MECOM: variants seen among roughly 807,000 people sequenced by gnomAD.
MECOM encodes histone-lysine N-methyltransferase MECOM.
In MECOM, 13 loss-of-function variants were observed where a neutral mutation model predicts 116.3. That is an observed-to-expected ratio of 0.11 (90% CI 0.07 to 0.18). The LOEUF (loss-of-function observed/expected upper bound fraction) is 0.18, where lower values mean the gene tolerates loss of function less well. MECOM is among the 10% of genes least tolerant of loss of function. The probability of loss-of-function intolerance (pLI) is 1.00; values close to 1 mark genes in which losing one functional copy is unlikely to be tolerated. For synonymous variants in MECOM, 528 were observed against 535.2 expected, an observed-to-expected ratio of 0.99 and a Z score of 0.19; for missense variants, 1,299 against 1,509.0, an observed-to-expected ratio of 0.86 and a Z score of 2.31.
intron 1 of MECOM, among the ~76,000 whole-genome samples, chr3:169,554,430 A>G (rs1761794831): frequency 4.6e-5 from 7 of 152,194 alleles, no homozygotes; most frequent in Admixed American, 3.9e-4. Context: ...AGAGTTTTCA[A>G]TTTTTAAAAA....
At chr3:169,426,705 T>C (rs1460470194) in intron 1 of MECOM, among the ~76,000 whole-genome samples, 1 of 152,212 alleles carries the variant, frequency 6.6e-6, no homozygotes, top group Non-Finnish European at 1.5e-5. Context: ...GAAGAGTAAT[T>C]GCAGTTAATA....
intron 2 of MECOM, among the ~76,000 whole-genome samples, chr3:169,217,437 G>A (rs1166754618): frequency 3.9e-5 from 6 of 152,038 alleles, no homozygotes; most frequent in South Asian, 4.1e-4. Flanking sequence ...TAGCATTTTC[G>A]TAAATTATGC....
intron 1 of MECOM, among the ~76,000 whole-genome samples, chr3:169,564,815 A>G (rs952749330): frequency 3.3e-5 from 5 of 150,108 alleles, no homozygotes; most frequent in African/African-American, 1.3e-4. Context: ...TCAGGTGTCC[A>G]AACAAATGCT....
intron 12 of MECOM, among the ~76,000 whole-genome samples, chr3:169,097,313 T>C (rs1560131906): frequency 1.3e-5 from 2 of 152,138 alleles, no homozygotes; most frequent in South Asian, 2.1e-4. Context: ...TGTTACTTTC[T>C]ATCTCTCCTC....
rs534870371 is a variant in MECOM at position 169,510,931 on chromosome 3, C to A, written c.38-129407G>T. ...CTTTCAATAGGAAGAACAATCATCA[C>A]CCTTTGCCACTGAATCAAGAAACTA... On this transcript the variant is annotated intron_variant, in intron 1 of 16. Coordinates refer to ENST00000651503, the MANE Select transcript of MECOM (RefSeq NM_004991.4). Among the ~76,000 whole-genome samples, 9 of 152,260 alleles carry A rather than the reference C, an allele frequency of 5.9e-5. No individual in the cohort carries two copies. The East Asian group carries it at 1.4e-3, about 23-fold the overall frequency.
At chr3:169,262,722 C>T (rs768986063) in intron 2 of MECOM, among the ~76,000 whole-genome samples, 18 of 152,088 alleles carry the variant, frequency 1.2e-4, no homozygotes, top group Admixed American at 6.5e-5. Flanking sequence ...TAGCATTAGA[C>T]ATCGATTAAG....
At chr3:169,211,599 C>T (rs555414001) in intron 2 of MECOM, among the ~76,000 whole-genome samples, 8 of 152,102 alleles carry the variant, frequency 5.3e-5, no homozygotes, top group Non-Finnish European at 8.8e-5. Context: ...AATTTGCTTC[C>T]TATTTCACAG....
intron 1 of MECOM, among the ~76,000 whole-genome samples, chr3:169,624,211 C>T (rs530689908): frequency 1.3e-5 from 2 of 152,330 alleles, no homozygotes; most frequent in Non-Finnish European, 2.9e-5. Context: ...AATTTCACAA[C>T]TGGGAAACTG....
chr3:169,230,424 A>C (rs1753239059), intron 2 of MECOM, among the ~76,000 whole-genome samples: 1 of 152,150 alleles, frequency 6.6e-6, no homozygotes, highest in African/African-American at 2.4e-5. Flanking sequence ...AAGTGGGCAG[A>C]TTTTATAAAT....
chr3:169,658,166 A>G (rs1231994953), intron 1 of MECOM, among the ~76,000 whole-genome samples: 1 of 152,196 alleles, frequency 6.6e-6, no homozygotes, highest in Admixed American at 6.5e-5. Flanking sequence ...CTAATGATTT[A>G]TCCTGCGCCG....
chr3:169,610,579 A>G (rs1476369905), intron 1 of MECOM, among the ~76,000 whole-genome samples: 4 of 151,792 alleles, frequency 2.6e-5, no homozygotes, highest in African/African-American at 9.7e-5. Flanking sequence ...GCGTCAAACA[A>G]TTTTCCCAAA....
At chr3:169,321,931 C>T (rs1174177751) in intron 2 of MECOM, among the ~76,000 whole-genome samples, 1 of 152,188 alleles carries the variant, frequency 6.6e-6, no homozygotes, top group Non-Finnish European at 1.5e-5. Context: ...ACACAGGGAG[C>T]CACCGAAGTG....
At chr3:169,528,902 C>T (rs780198470) in intron 1 of MECOM, among the ~76,000 whole-genome samples, 2 of 152,176 alleles carry the variant, frequency 1.3e-5, no homozygotes, top group African/African-American at 2.4e-5. Flanking sequence ...CTCTAACATT[C>T]GTTGTTGGAA....
intron 2 of MECOM, among the ~76,000 whole-genome samples, chr3:169,330,824 G>A (rs555035743): frequency 1.3e-5 from 2 of 151,910 alleles, no homozygotes; most frequent in South Asian, 4.2e-4. Context: ...ACATTTTACT[G>A]AACTTCGATA....
At chr3:169,597,975 T>C (rs552197996) in intron 1 of MECOM, among the ~76,000 whole-genome samples, 70 of 152,254 alleles carry the variant, frequency 4.6e-4, no homozygotes, top group African/African-American at 1.7e-3. Flanking sequence ...AGTAAACACA[T>C]CAGATAATTG....
chr3:169,308,664 A>G (rs557343973), intron 2 of MECOM, among the ~76,000 whole-genome samples: 13 of 152,346 alleles, frequency 8.5e-5, no homozygotes, highest in African/African-American at 2.6e-4. Context: ...TCTCTTGCAC[A>G]TGCTATTATT....
chr3:169,625,011 C>G (rs1350150295), intron 1 of MECOM, among the ~76,000 whole-genome samples: 1 of 144,280 alleles, frequency 6.9e-6, no homozygotes, highest in Non-Finnish European at 1.5e-5. Context: ...TTTCTGAGCT[C>G]AGGACAAGGA....
At chr3:169,481,705 A>G (rs930830075) in intron 1 of MECOM, among the ~76,000 whole-genome samples, 2 of 151,632 alleles carry the variant, frequency 1.3e-5, no homozygotes, top group Non-Finnish European at 2.9e-5. Flanking sequence ...ACACTTCACT[A>G]GCTTGTTGGA....
At chr3:169,265,166 T>C (rs1446356588) in intron 2 of MECOM, among the ~76,000 whole-genome samples, 1 of 152,224 alleles carries the variant, frequency 6.6e-6, no homozygotes, top group East Asian at 1.9e-4. Flanking sequence ...TGTTGAGTTA[T>C]TCATTCTAAA....
Sources: allele counts gnomAD v4.1 joint callset (sites outside exome capture counted in the v4.1 genomes callset), GRCh38; gene constraint gnomAD v4.1.1; transcripts MANE v1.5; gene names NCBI Gene and HGNC (gene_info 2026-07-23, HGNC 2026-07-21).